Variants in OPRM1 observed in about 807,000 individuals in gnomAD.
OPRM1 encodes opioid receptor mu 1.
Under a neutral mutation model 31.8 loss-of-function variants are expected in OPRM1, and 27 were observed. The ratio of observed to expected loss-of-function variants is 0.85; its 90% CI spans 0.63 to 1.17. The LOEUF (loss-of-function observed/expected upper bound fraction) is 1.17. OPRM1 is among the 50% of genes most tolerant of loss of function. OPRM1 has a pLI of 0.00. For synonymous variants in OPRM1, 196 were observed against 189.9 expected (o/e 1.03, Z -0.26); for missense variants, 536 against 511.1 (o/e 1.05, Z -0.47).
chr6:154,221,496 AT>A (rs750467055), intron 3 of OPRM1, among the ~76,000 whole-genome samples: 2 of 152,262 alleles, frequency 1.3e-5, no homozygotes, highest in East Asian at 1.9e-4. Context: ...TCTCTGTTTC[AT>A]ATAGAGAACT....
chr6:154,160,200 G>A (rs1432467377), intron 3 of OPRM1, among the ~76,000 whole-genome samples: 12 of 152,134 alleles, frequency 7.9e-5, no homozygotes, highest in African/African-American at 2.9e-4. Context: ...TAAGAAATAC[G>A]ACATTTGTTT....
intron 1 of OPRM1, among the ~76,000 whole-genome samples, chr6:154,043,892 T>C (rs758640416): frequency 2.0e-5 from 3 of 152,078 alleles, no homozygotes; most frequent in South Asian, 2.1e-4. Flanking sequence ...GAACAACTCT[T>C]CTTCTGTGTC....
Position 154,039,642 on chromosome 6 carries a change from A to G in OPRM1, c.98A>G (p.Asn33Ser). ...GCACCCAGCCCCGGTTCCTGGGTCAACTTGTCCCACTTAGATGGCAACCTG... is the reference window on the plus strand; with the variant it reads ...GCACCCAGCCCCGGTTCCTGGGTCAGCTTGTCCCACTTAGATGGCAACCTG... ...SPAPSPGSWV[N>S]LSHLDGNLSD... is the part of the protein sequence containing the mutation. The change falls in exon 1 of 4, where the codon AAC becomes AGC. Residue 33 changes from asparagine to serine, a missense_variant. Transcript: ENST00000330432. 1 of 1,613,696 alleles carries G rather than the reference A, an allele frequency of 6.2e-7. No individual in the cohort carries two copies. Among genetic ancestry groups the G allele is most frequent in the South Asian group, 1.1e-5 (1 of 91,076 alleles).
At chr6:154,208,268 C>A (rs1777668691) in intron 3 of OPRM1, among the ~76,000 whole-genome samples, 1 of 152,160 alleles carries the variant, frequency 6.6e-6, no homozygotes. Flanking sequence ...CCTTGCAGTA[C>A]CACACACCAA....
At chr6:154,030,800 A>C (rs1036478772) in intron 1 of OPRM1, among the ~76,000 whole-genome samples, 18 of 152,194 alleles carry the variant, frequency 1.2e-4, no homozygotes, top group African/African-American at 3.9e-4. Flanking sequence ...CAATCTCTTC[A>C]CTGAAAAGAG....
intron 3 of OPRM1, among the ~76,000 whole-genome samples, chr6:154,109,666 T>G (rs1364987409): frequency 6.6e-6 from 1 of 152,170 alleles, no homozygotes; most frequent in African/African-American, 2.4e-5. Context: ...TGAGAAGCTC[T>G]ATAGACAAGT....
chr6:154,176,604 A>G (rs569303061), intron 3 of OPRM1, among the ~76,000 whole-genome samples: 1 of 152,308 alleles, frequency 6.6e-6, no homozygotes, highest in East Asian at 1.9e-4. Context: ...TAGGAATCCA[A>G]TTTACAAGGG....
In OPRM1 at chr6:154,093,733, G is replaced by T. The variant is rs77565495; in HGVS notation, c.1164+2261G>T. 6.2e-3 allele frequency among the ~76,000 whole-genome samples: 938 copies of T among 152,316 alleles called. 2 individuals carry two copies. Among genetic ancestry groups the T allele is most frequent in the Non-Finnish European group, 9.7e-3 (659 of 68,022 alleles). ...CCAACTGAGAGAACTGGACACAGAAGAGAGGCTGCCAGGAAAAGAGGGAAA... is the reference window on the plus strand; with the variant it reads ...CCAACTGAGAGAACTGGACACAGAATAGAGGCTGCCAGGAAAAGAGGGAAA... On this transcript the variant is annotated intron_variant, in intron 3 of 3. Coordinates refer to ENST00000330432, the MANE Select transcript of OPRM1 (RefSeq NM_000914.5).
At chr6:154,065,746 AT>A (rs894746056) in intron 1 of OPRM1, among the ~76,000 whole-genome samples, 19 of 149,732 alleles carry the variant, frequency 1.3e-4, no homozygotes, top group African/African-American at 2.7e-4. Flanking sequence ...ATTTAGGTGT[AT>A]TTTTTTTTCA....
intron 3 of OPRM1, among the ~76,000 whole-genome samples, chr6:154,224,975 C>T (rs563210768): frequency 4.0e-4 from 61 of 152,164 alleles, no homozygotes; most frequent in African/African-American, 1.3e-3. Flanking sequence ...ATTCTCAATC[C>T]GCCTTACAAA....
At chr6:154,179,822 C>G (rs1465663221) in intron 3 of OPRM1, among the ~76,000 whole-genome samples, 1 of 152,158 alleles carries the variant, frequency 6.6e-6, no homozygotes, top group Non-Finnish European at 1.5e-5. Context: ...GAATCATGCC[C>G]TTCTAGACCA....
intron 1 of OPRM1, among the ~76,000 whole-genome samples, chr6:154,018,850 C>G (rs903192495): frequency 6.6e-6 from 1 of 152,180 alleles, no homozygotes; most frequent in Non-Finnish European, 1.5e-5. Flanking sequence ...TTTCCAGGAA[C>G]CTCACTTGCA....
chr6:154,029,417 A>AT (rs1562377305), intron 1 of OPRM1, among the ~76,000 whole-genome samples: 1 of 152,328 alleles, frequency 6.6e-6, no homozygotes, highest in Admixed American at 6.5e-5. Context: ...TCATAAACCT[A>AT]TTTTTTGAAA....
intron 3 of OPRM1, among the ~76,000 whole-genome samples, chr6:154,145,853 A>G (rs149677606): frequency 6.6e-6 from 1 of 152,380 alleles, no homozygotes; most frequent in East Asian, 1.9e-4. Flanking sequence ...CTTATTTTTG[A>G]CAAAGGTGTG....
intron 3 of OPRM1, among the ~76,000 whole-genome samples, chr6:154,163,429 C>T (rs572671347): frequency 3.9e-5 from 6 of 152,256 alleles, no homozygotes; most frequent in Non-Finnish European, 7.4e-5. Context: ...CATGTCCTTC[C>T]TAATTAAATA....
At chr6:154,064,790 T>C (rs898741283) in intron 1 of OPRM1, among the ~76,000 whole-genome samples, 11 of 152,210 alleles carry the variant, frequency 7.2e-5, no homozygotes, top group African/African-American at 2.7e-4. Context: ...TTGAAAATCA[T>C]TTGGGCATGT....
intron 3 of OPRM1, chr6:154,214,361 AG>A: frequency 2.1e-6 from 2 of 932,514 alleles, no homozygotes. Context: ...TTATGAAATT[AG>A]GTCATGATTC....
At chr6:154,137,853 A>C (rs2128536846) in intron 3 of OPRM1, among the ~76,000 whole-genome samples, 1 of 152,362 alleles carries the variant, frequency 6.6e-6, no homozygotes. Context: ...TGCATGAGCC[A>C]GACACAGAAG....
intron 3 of OPRM1, among the ~76,000 whole-genome samples, chr6:154,152,339 G>GA (rs750969208): frequency 0.34 from 12,175 of 35,964 alleles, 906 homozygotes; most frequent in Middle Eastern, 0.37. Flanking sequence ...AAGAAAGAAA[G>GA]AAAGAAAGGA....
Sources: allele counts gnomAD v4.1 joint callset (sites outside exome capture counted in the v4.1 genomes callset), GRCh38; gene constraint gnomAD v4.1.1; transcripts MANE v1.5; gene names NCBI Gene and HGNC (gene_info 2026-07-23, HGNC 2026-07-21).